CEMP1: variants seen among roughly 807,000 people sequenced by gnomAD.
CEMP1 encodes cementum protein 1, also known as cementoblastoma-derived protein 1.
For synonymous variants in CEMP1, 161 were observed against 128.6 expected (o/e 1.25, Z -1.71); for missense variants, 387 against 316.9 (o/e 1.22, Z -1.68).
Position 2,530,194 on chromosome 16 carries a change from G to A in CEMP1, c.*136C>T, listed in dbSNP as rs1461770811. 3 of 1,496,812 alleles carry A rather than the reference G, an allele frequency of 2.0e-6. No homozygotes were observed. Among genetic ancestry groups the A allele is most frequent in the African/African-American group, 2.8e-5 (2 of 72,556 alleles). The allele number at this position is 1,496,812 out of a possible 1,614,324, so 92.7% of individuals were successfully genotyped here. On this transcript the variant is annotated 3_prime_UTR_variant, in exon 1 of 1. Coordinates refer to ENST00000567119, the MANE Select transcript of CEMP1 (RefSeq NM_001048212.3). Reference sequence around the variant, plus strand: ...CTCCCTGGACTGCCTAGCCCTGAGTGCCACGGATGACCAGCGTTCTGTTTT... The same window carrying A: ...CTCCCTGGACTGCCTAGCCCTGAGTACCACGGATGACCAGCGTTCTGTTTT...
chr16:2,530,380 A>G lies in CEMP1; in HGVS notation c.694T>C (p.Cys232Arg), dbSNP rs1417635858. The G allele has an allele frequency of 5.0e-6, 8 of 1,613,830 alleles. No homozygotes were observed. Among genetic ancestry groups the G allele is most frequent in the African/African-American group, 2.7e-5 (2 of 74,936 alleles). Residue 232 changes from cysteine to arginine, a missense_variant, in exon 1 of 1, where the codon TGC (cysteine) becomes CGC (arginine). Physicochemically the swap from Cys to Arg is radical, Grantham distance 180. Coordinates refer to ENST00000567119, the MANE Select transcript of CEMP1 (RefSeq NM_001048212.3). Reference sequence around the variant, plus strand: ...TCTTCTGTGTCCCCTTGGCCCTGGCACACACCCATGTGGCAAACACGGGCC... The same window carrying G: ...TCTTCTGTGTCCCCTTGGCCCTGGCGCACACCCATGTGGCAAACACGGGCC... ...LTARVCHMGV[C>R]QGQGDTEDGR...
At position 2,530,066 on chromosome 16, in the gene CEMP1, G is replaced by A. The variant is rs1047581601; in HGVS notation, c.*264C>T. Reference sequence around the variant, plus strand: ...TTGCTTTCTGCTCCTGAGTTGGGGTGTGCAGCGTGGAGCCCACAGCCTGGT... The same window carrying A: ...TTGCTTTCTGCTCCTGAGTTGGGGTATGCAGCGTGGAGCCCACAGCCTGGT... On this transcript the variant is annotated 3_prime_UTR_variant, in exon 1 of 1. Coordinates refer to ENST00000567119, the MANE Select transcript of CEMP1 (RefSeq NM_001048212.3). The A allele has an allele frequency of 8.0e-6, 7 of 876,190 alleles. No individual in the cohort carries two copies. In the East Asian group the frequency reaches 1.3e-4, roughly 17 times the overall value. The allele number at this position is 876,190 out of a possible 1,614,324, so 54.3% of individuals were successfully genotyped here. A position where few individuals can be genotyped will look rare whatever the true frequency, so the allele number is the denominator to read the frequency against.
At chr16:2,530,833 GA>G in intron 1 of CEMP1, 1 of 1,613,794 alleles carries the variant, frequency 6.2e-7, no homozygotes, top group Non-Finnish European at 8.5e-7. Flanking sequence ...GAAAGCAGGC[GA>G]CGGATGTGGA....
At position 2,530,229 on chromosome 16, in the gene CEMP1, A is replaced by G; in HGVS notation, c.*101T>C. Reference sequence around the variant, plus strand: ...ACCAGCGTTCTGTTTTCTCTTCTCAATAACCCTATCTCTTCACACATCCCC... The same window carrying G: ...ACCAGCGTTCTGTTTTCTCTTCTCAGTAACCCTATCTCTTCACACATCCCC... On this transcript the variant is annotated 3_prime_UTR_variant, in exon 1 of 1. Coordinates refer to ENST00000567119, the MANE Select transcript of CEMP1 (RefSeq NM_001048212.3). The G allele has an allele frequency of 6.3e-7, 1 of 1,576,066 alleles. No homozygotes were observed. Among genetic ancestry groups the G allele is most frequent in the Non-Finnish European group, 8.6e-7 (1 of 1,161,130 alleles).
chr16:2,530,224 T>C lies in CEMP1; in HGVS notation c.*106A>G, dbSNP rs767687618. The C allele has an allele frequency of 6.4e-6, 10 of 1,560,494 alleles. No individual in the cohort carries two copies. In the African/African-American group the frequency reaches 1.2e-4, roughly 19 times the overall value. On this transcript the variant is annotated 3_prime_UTR_variant, in exon 1 of 1. Coordinates refer to ENST00000567119, the MANE Select transcript of CEMP1 (RefSeq NM_001048212.3). The stretch of plus-strand genomic sequence containing the variant: ...GGATGACCAGCGTTCTGTTTTCTCT[T>C]CTCAATAACCCTATCTCTTCACACA...
rs1567135276 is a variant in CEMP1 at position 2,530,862 on chromosome 16, G to GTC, written c.142+69_142+70insGA. The GTC allele has an allele frequency of 4.3e-6, 7 of 1,613,674 alleles. No individual in the cohort carries two copies. The South Asian group carries it at 7.7e-5, about 18-fold the overall frequency. ...GATGTGGATCCTGACCTCCTGAGAG[G>GTC]TGTGAGGTGCAGGGATACCCACCTC... On this transcript the variant is annotated intron_variant, in intron 1 of 1. Transcript: ENST00000565480.
rs769248943 is a variant in CEMP1 at position 2,530,171 on chromosome 16, C to T, written c.*159G>A. On this transcript the variant is annotated 3_prime_UTR_variant, in exon 1 of 1. Transcript: ENST00000567119. ...GGGCCCGGGACCCCTGTTTTCTGCT[C>T]CCTGGACTGCCTAGCCCTGAGTGCC... The T allele has an allele frequency of 3.1e-5, 46 of 1,466,516 alleles. No individual in the cohort carries two copies. Among genetic ancestry groups the T allele is most frequent in the East Asian group, 5.0e-5 (2 of 40,356 alleles). The allele number at this position is 1,466,516 out of a possible 1,614,324, so 90.8% of individuals were successfully genotyped here.
In CEMP1 at chr16:2,530,985, G is replaced by A. The variant is rs962656802; in HGVS notation, c.89C>T (p.Ser30Phe). The A allele has an allele frequency of 6.2e-7, 1 of 1,613,250 alleles. No homozygotes were observed. The highest frequency in any genetic ancestry group is 1.1e-5 in the South Asian group (1 of 91,066). Residue 30 changes from serine (S) to phenylalanine (F), a missense_variant, in exon 1 of 1, where the codon TCC (serine) becomes TTC (phenylalanine). By Grantham distance (155) the Ser-to-Phe change is radical. Coordinates refer to ENST00000567119, the MANE Select transcript of CEMP1 (RefSeq NM_001048212.3). ...TGTCTTGCCAGGGCTCCCAGGCAGGGAGAGGCAGGTGAGGTTCTCAGCCGA... is the reference window on the plus strand; with the variant it reads ...TGTCTTGCCAGGGCTCCCAGGCAGGAAGAGGCAGGTGAGGTTCTCAGCCGA... ...NTSAENLTCL[S>F]LPGSPGKTAP...
Position 2,531,366 on chromosome 16 carries a change from G to A in CEMP1, c.-293C>T. ...GGGGAAGCACTCTTGGTTGGTTTTG[G>A]TTTGCTTTTTAAAAATTGTGGTAAA... On this transcript the variant is annotated 5_prime_UTR_variant, in exon 1 of 1. Transcript: ENST00000567119. 2.0e-6 allele frequency: 1 copy of A among 505,704 alleles called. No individual in the cohort carries two copies. The highest frequency in any genetic ancestry group is 3.6e-6 in the Non-Finnish European group (1 of 277,140). 31.3% of individuals were successfully genotyped at this position (505,704 alleles called of 1,614,324 possible). A position where few individuals can be genotyped will look rare whatever the true frequency, so the allele number is the denominator to read the frequency against.
In CEMP1 at chr16:2,530,774, C is replaced by T. The variant is rs556228583; in HGVS notation, c.300G>A (p.Leu100=). ...GCCTCGCCTGAGGGAGGGCCTGGGG[C>T]AGGGCACAAGGGGTTGATCTCAGCC... ...ACGLRSTPCA[L]PQALPQARPC... is the part of the protein sequence containing the mutation. The change falls in exon 1 of 1, where the codon CTG becomes CTA. Residue 100 remains leucine (L), a synonymous_variant. Coordinates refer to ENST00000567119, the MANE Select transcript of CEMP1 (RefSeq NM_001048212.3). 1 of 1,613,658 alleles carries T rather than the reference C, an allele frequency of 6.2e-7. No individual in the cohort carries two copies. The highest frequency in any genetic ancestry group is 8.5e-7 in the Non-Finnish European group (1 of 1,179,936).
At position 2,530,804 on chromosome 16, in the gene CEMP1, A is replaced by G; in HGVS notation, c.270T>C (p.Ala90=). The part of the protein sequence containing the change: ...RRLLSWAAPG[A]CGLRSTPCAL... ...CACAAGGGGTTGATCTCAGCCCACA[A>G]GCCCCAGGGGCAGCCCAGGAAAGCA... is the stretch of plus-strand genomic sequence containing the variant. Residue 90 remains alanine (A), a synonymous_variant, in exon 1 of 1, where the codon GCT becomes GCC. Transcript: ENST00000567119. The G allele has an allele frequency of 6.2e-7, 1 of 1,613,722 alleles. No individual in the cohort carries two copies. The highest frequency in any genetic ancestry group is 8.5e-7 in the Non-Finnish European group (1 of 1,179,972).
chr16:2,530,474 A>G lies in CEMP1; in HGVS notation c.600T>C (p.Thr200=), dbSNP rs772798828. 23 of 1,614,036 alleles carry G rather than the reference A, an allele frequency of 1.4e-5. No individual in the cohort carries two copies. The highest frequency in any genetic ancestry group is 6.7e-5 in the African/African-American group (5 of 74,940). Residue 200 remains threonine, a synonymous_variant, in exon 1 of 1, where the codon ACT becomes ACC. Transcript: ENST00000567119. ...CCCTCTTGGCTCTGAGGACAGCCAC[A>G]GTGGGGTCAGACGTCAGGGATTGGT... is the stretch of plus-strand genomic sequence containing the variant. ...GLHQSLTSDP[T]VAVLRAKRAP...
rs748734289 is a variant in CEMP1 at position 2,530,698 on chromosome 16, C to T, written c.376G>A (p.Ala126Thr). Residue 126 changes from alanine (A) to threonine (T), a missense_variant, in exon 1 of 1, where the codon GCC becomes ACC. Coordinates refer to ENST00000567119, the MANE Select transcript of CEMP1 (RefSeq NM_001048212.3). ...GTCCAAAGAGATAGGATGGTCTGGG[C>T]CCCACCTGTTGGAAGGGAACAGCCA... ...FPGCSLPTGG[A>T]QTILSLWTWR... 2 of 1,614,080 alleles carry T rather than the reference C, an allele frequency of 1.2e-6. No individual in the cohort carries two copies. The highest frequency in any genetic ancestry group is 1.1e-5 in the South Asian group (1 of 91,080).
At position 2,530,089 on chromosome 16, in the gene CEMP1, G is replaced by T. The variant is rs1030396271; in HGVS notation, c.*241C>A. 1 of 1,064,190 alleles carries T rather than the reference G, an allele frequency of 9.4e-7. No homozygotes were observed. The highest frequency in any genetic ancestry group is 1.7e-5 in the South Asian group (1 of 59,074). 65.9% of individuals were successfully genotyped at this position (1,064,190 alleles called of 1,614,324 possible). A position where few individuals can be genotyped will look rare whatever the true frequency, so the allele number is the denominator to read the frequency against. ...GTGTGCAGCGTGGAGCCCACAGCCTGGTTCTGGGCCAGGGCACAGTGCCAG... is the reference window on the plus strand; with the variant it reads ...GTGTGCAGCGTGGAGCCCACAGCCTTGTTCTGGGCCAGGGCACAGTGCCAG... On this transcript the variant is annotated 3_prime_UTR_variant, in exon 1 of 1. Coordinates refer to ENST00000567119, the MANE Select transcript of CEMP1 (RefSeq NM_001048212.3).
rs1415618468 is a variant in CEMP1, at chr16:2,530,894, G to T, written c.180C>A (p.Val60=). Residue 60 remains valine (V), a synonymous_variant, in exon 1 of 1, where the codon GTC becomes GTA. Transcript: ENST00000567119. The part of the protein sequence containing the change: ...GQPLPKGCAA[V]KAEVGIPAPH... Reference sequence around the variant, plus strand: ...GTGCAGGGATACCCACCTCTGCCTTGACGGCCGCGCACCCCTTAGGAAGTG... The same window carrying T: ...GTGCAGGGATACCCACCTCTGCCTTTACGGCCGCGCACCCCTTAGGAAGTG... The T allele has an allele frequency of 6.2e-7, 1 of 1,613,450 alleles. No homozygotes were observed. Among genetic ancestry groups the T allele is most frequent in the African/African-American group, 1.3e-5 (1 of 74,910 alleles).
In CEMP1 at chr16:2,530,101, G is replaced by T; in HGVS notation, c.*229C>A. 1 of 1,172,284 alleles carries T rather than the reference G, an allele frequency of 8.5e-7. No homozygotes were observed. Among genetic ancestry groups the T allele is most frequent in the Non-Finnish European group, 1.2e-6 (1 of 860,404 alleles). The allele number at this position is 1,172,284 out of a possible 1,614,324, so 72.6% of individuals were successfully genotyped here. On this transcript the variant is annotated 3_prime_UTR_variant, in exon 1 of 1. Coordinates refer to ENST00000567119, the MANE Select transcript of CEMP1 (RefSeq NM_001048212.3). ...GAGCCCACAGCCTGGTTCTGGGCCAGGGCACAGTGCCAGGGGCTCCGCTCT... is the reference window on the plus strand; with the variant it reads ...GAGCCCACAGCCTGGTTCTGGGCCATGGCACAGTGCCAGGGGCTCCGCTCT...
rs909514396 is a variant in CEMP1 at position 2,530,741 on chromosome 16, T to C, written c.333A>G (p.Pro111=). The C allele has an allele frequency of 7.4e-6, 12 of 1,613,698 alleles. No individual in the cohort carries two copies. The East Asian group carries it at 2.5e-4, about 33-fold the overall frequency. The change falls in exon 1 of 1, where the codon CCA becomes CCG. Residue 111 remains proline, a synonymous_variant. Coordinates refer to ENST00000567119, the MANE Select transcript of CEMP1 (RefSeq NM_001048212.3). The part of the protein sequence containing the change: ...PQALPQARPC[P]GRWFFPGCSL... ...AACAGCCAGGGAAGAACCACCTGCC[T>C]GGGCAGGGCCTCGCCTGAGGGAGGG... is the stretch of plus-strand genomic sequence containing the variant.
rs774343287 is a variant in CEMP1 at position 2,530,210 on chromosome 16, G to A, written c.*120C>T. On this transcript the variant is annotated 3_prime_UTR_variant, in exon 1 of 1. Coordinates refer to ENST00000567119, the MANE Select transcript of CEMP1 (RefSeq NM_001048212.3). ...GCCCTGAGTGCCACGGATGACCAGC[G>A]TTCTGTTTTCTCTTCTCAATAACCC... The A allele has an allele frequency of 1.4e-5, 21 of 1,528,454 alleles. No individual in the cohort carries two copies. Among genetic ancestry groups the A allele is most frequent in the South Asian group, 6.1e-5 (5 of 81,978 alleles). The allele number at this position is 1,528,454 out of a possible 1,614,324, so 94.7% of individuals were successfully genotyped here.
At position 2,530,486 on chromosome 16, in the gene CEMP1, C is replaced by G; in HGVS notation, c.588G>C (p.Thr196=). ...TPDVGLHQSL[T]SDPTVAVLRA... ...TGAGGACAGCCACAGTGGGGTCAGA[C>G]GTCAGGGATTGGTGCAGCCCCACGT... is the stretch of plus-strand genomic sequence containing the variant. The change falls in exon 1 of 1, where the codon ACG becomes ACC. Residue 196 remains threonine, a synonymous_variant. Transcript: ENST00000567119. The G allele has an allele frequency of 6.2e-7, 1 of 1,614,134 alleles. No individual in the cohort carries two copies. Among genetic ancestry groups the G allele is most frequent in the Non-Finnish European group, 8.5e-7 (1 of 1,179,988 alleles).
Sources: allele counts gnomAD v4.1 joint callset, GRCh38; gene constraint gnomAD v4.1.1; transcripts MANE v1.5; gene names NCBI Gene and HGNC (gene_info 2026-07-23, HGNC 2026-07-21).